The following ILDR1 variants were observed in gnomAD, a reference collection of about 807,000 sequenced individuals.
ILDR1 encodes the protein immunoglobulin-like domain-containing receptor 1.
In ILDR1, 56 loss-of-function variants were observed where a neutral mutation model predicts 62.4. That is an observed-to-expected ratio of 0.90 (90% CI 0.72 to 1.12). The LOEUF is 1.12. Among genes scored for constraint, ILDR1 ranks in the 50% most tolerant of loss-of-function variants. ILDR1 has a pLI of 0.00. For missense variants in ILDR1, 736 were observed against 710.6 expected (o/e 1.04, Z -0.41); for synonymous variants, 284 against 277.8 (o/e 1.02, Z -0.22).
At chr3:122,027,892 C>T in the ILDR1 span, among the ~76,000 whole-genome samples, 2 of 152,136 alleles carry the variant, frequency 1.3e-5, no homozygotes, top group South Asian at 2.1e-4. Context: ...TAGGTGATAA[C>T]CTTGACTCGC....
rs1559870297 is a variant in ILDR1, at chr3:121,993,352, C to CG, written c.1396dup (p.Arg466ProfsTer17). The CG allele has an allele frequency of 6.8e-6, 11 of 1,609,636 alleles. No homozygotes were observed. Among genetic ancestry groups the CG allele is most frequent in the Non-Finnish European group, 9.3e-6 (11 of 1,176,694 alleles). On this transcript the variant is annotated frameshift_variant, in exon 7 of 8. Coordinates refer to ENST00000344209, the MANE Select transcript of ILDR1 (RefSeq NM_001199799.2). LOFTEE classifies it high-confidence loss of function. ...GGAGGGCAAGGGAGGAGAGTAGCTG[C>CG]GGTGCCTGCGTCGTCTCCCGTGCCT...
chr3:122,029,504 T>A, the ILDR1 span, among the ~76,000 whole-genome samples: 1 of 138,510 alleles, frequency 7.2e-6, no homozygotes, highest in Non-Finnish European at 1.5e-5. Context: ...ACACTCCGTC[T>A]AAAAAAAATA....
chr3:122,005,085 A>G (rs1450995227), intron 3 of ILDR1, among the ~76,000 whole-genome samples, 159 bp downstream of exon 3: 1 of 152,198 alleles, frequency 6.6e-6, no homozygotes, highest in Admixed American at 6.5e-5. Flanking sequence ...GGTGCAGCAC[A>G]TTCTATGAAG....
chr3:122,033,227 A>G, the ILDR1 span, among the ~76,000 whole-genome samples: 1 of 150,712 alleles, frequency 6.6e-6, no homozygotes, highest in Admixed American at 6.7e-5. Flanking sequence ...TTTAATTTGC[A>G]TTTCCCTAAT....
At chr3:122,004,719 A>G (rs1000163832) in intron 3 of ILDR1, among the ~76,000 whole-genome samples, 3 of 152,218 alleles carry the variant, frequency 2.0e-5, no homozygotes, top group African/African-American at 7.2e-5. Context: ...ATCACTGGTC[A>G]CTGAGCTAGT....
At chr3:122,031,474 T>C in the ILDR1 span, among the ~76,000 whole-genome samples, 1 of 152,172 alleles carries the variant, frequency 6.6e-6, no homozygotes, top group African/African-American at 2.4e-5. Context: ...ACAGATTACA[T>C]TTATCAACTG....
chr3:122,001,816 T>C lies in ILDR1; in HGVS notation c.428A>G (p.Tyr143Cys), dbSNP rs776712847. The C allele has an allele frequency of 6.2e-7, 1 of 1,613,556 alleles. No homozygotes were observed. The highest frequency in any genetic ancestry group is 1.1e-5 in the South Asian group (1 of 91,040). The part of the protein sequence containing the change: ...NEVMWWDHGV[Y>C]YCTIEAPGDT... ...CCCTGGAGCCTCAATGGTGCAGTAATACACTCCATGGTCCCACCACATCAC... is the reference window on the plus strand; with the variant it reads ...CCCTGGAGCCTCAATGGTGCAGTAACACACTCCATGGTCCCACCACATCAC... The change falls in exon 4 of 8, where the codon TAT becomes TGT. Residue 143 changes from tyrosine to cysteine, a missense_variant. Coordinates refer to ENST00000344209, the MANE Select transcript of ILDR1 (RefSeq NM_001199799.2).
chr3:121,994,235 G>GC lies in ILDR1; in HGVS notation c.724dup (p.Ala242GlyfsTer64), dbSNP rs2071404474. The GC allele has an allele frequency of 2.0e-6, 3 of 1,535,940 alleles. No individual in the cohort carries two copies. Among genetic ancestry groups the GC allele is most frequent in the South Asian group, 1.2e-5 (1 of 84,058 alleles). ...AGATGAAACCTGGGAGCTCCTGTCC[G>GC]CCCCCCAGTACAGGGGTTTTCCCAT... On this transcript the variant is annotated frameshift_variant, in exon 6 of 8. Transcript: ENST00000344209. LOFTEE classifies it high-confidence loss of function.
intron 1 of ILDR1, among the ~76,000 whole-genome samples, chr3:122,008,665 C>T (rs1382660277): frequency 6.7e-6 from 1 of 149,252 alleles, no homozygotes; most frequent in East Asian, 2.0e-4. Flanking sequence ...ACGATCTCAG[C>T]TCACTGCCAC....
Position 121,988,288 on chromosome 3 carries a change from A to T in ILDR1, c.*79T>A. On this transcript the variant is annotated 3_prime_UTR_variant, in exon 8 of 8. Coordinates refer to ENST00000344209, the MANE Select transcript of ILDR1 (RefSeq NM_001199799.2). ...GTTAGACTCAGACTTGCAGTTCCCA[A>T]GTCAGCTGGAAACCTAGGTGATGCT... 1 of 1,199,554 alleles carries T rather than the reference A, an allele frequency of 8.3e-7. No individual in the cohort carries two copies. Among genetic ancestry groups the T allele is most frequent in the Non-Finnish European group, 1.2e-6 (1 of 801,588 alleles). 74.3% of individuals were successfully genotyped at this position (1,199,554 alleles called of 1,614,324 possible).
chr3:122,030,897 T>C, the ILDR1 span, among the ~76,000 whole-genome samples: 3 of 152,210 alleles, frequency 2.0e-5, no homozygotes, highest in South Asian at 6.2e-4. Flanking sequence ...AGTTAAAGCA[T>C]GAGTTGAATG....
chr3:122,037,383 C>T, the ILDR1 span, among the ~76,000 whole-genome samples: 1 of 152,230 alleles, frequency 6.6e-6, no homozygotes, highest in Non-Finnish European at 1.5e-5. Context: ...GAGCCCACCC[C>T]TTGCATCAGT....
chr3:122,047,489 C>T, the ILDR1 span, among the ~76,000 whole-genome samples: 1 of 152,260 alleles, frequency 6.6e-6, no homozygotes, highest in Non-Finnish European at 1.5e-5. Flanking sequence ...CAAGCCTGGG[C>T]AATGGCGGGC....
At chr3:122,030,058 A>G in the ILDR1 span, among the ~76,000 whole-genome samples, 1 of 152,206 alleles carries the variant, frequency 6.6e-6, no homozygotes, top group African/African-American at 2.4e-5. Context: ...CTCTCAGAGA[A>G]AAGTCTTGCT....
chr3:122,005,304 C>T lies in ILDR1; in HGVS notation c.319G>A (p.Gly107Arg). Residue 107 changes from glycine (G) to arginine (R), a missense_variant, in exon 3 of 8, where the codon GGG (glycine) becomes AGG (arginine). Physicochemically the swap from Gly to Arg is moderately radical, Grantham distance 125 (BLOSUM62 -2). Transcript: ENST00000344209. ...REVRIVAQRR[G>R]QNEPVLGVDY... ...ACCCCCAGCACGGGCTCATTCTGCCCCCGCCGCTGGGCCACTATGCGAACT... is the reference window on the plus strand; with the variant it reads ...ACCCCCAGCACGGGCTCATTCTGCCTCCGCCGCTGGGCCACTATGCGAACT... 1 of 1,614,026 alleles carries T rather than the reference C, an allele frequency of 6.2e-7. No homozygotes were observed. The highest frequency in any genetic ancestry group is 8.5e-7 in the Non-Finnish European group (1 of 1,179,978).
chr3:122,048,594 A>G, the ILDR1 span, among the ~76,000 whole-genome samples: 1 of 152,220 alleles, frequency 6.6e-6, no homozygotes, highest in Non-Finnish European at 1.5e-5. Context: ...TGATGATTCA[A>G]TCTGATTACT....
chr3:121,988,480 T>C, intron 7 of ILDR1, 72 bp from the exon 8 acceptor site: 1 of 1,237,064 alleles, frequency 8.1e-7, no homozygotes, highest in Non-Finnish European at 1.2e-6. Flanking sequence ...TAACACATAA[T>C]GTGCTCTTGA....
At chr3:122,017,357 C>T (rs1200519826) in intron 1 of ILDR1, among the ~76,000 whole-genome samples, 1 of 152,166 alleles carries the variant, frequency 6.6e-6, no homozygotes, top group Non-Finnish European at 1.5e-5. Flanking sequence ...CCAGAGTCTT[C>T]TCAATTCTTA....
intron 7 of ILDR1, among the ~76,000 whole-genome samples, chr3:121,992,545 C>A (rs939879033): frequency 2.6e-5 from 4 of 152,210 alleles, no homozygotes. Context: ...TGTCTGGCAC[C>A]CATTGGCATC....
Sources: allele counts gnomAD v4.1 joint callset (sites outside exome capture counted in the v4.1 genomes callset), GRCh38; gene constraint gnomAD v4.1.1; transcripts MANE v1.5; gene names NCBI Gene and HGNC (gene_info 2026-07-23, HGNC 2026-07-21).